Variants in CALCA observed in about 807,000 individuals in gnomAD.
The protein encoded by CALCA is calcitonin.
CALCA carries 4 observed loss-of-function variants against 6.9 expected under a neutral mutation model. That is an observed-to-expected ratio of 0.58 (90% CI 0.29 to 1.33). The LOEUF (loss-of-function observed/expected upper bound fraction) is 1.33. CALCA is among the 40% of genes most tolerant of loss of function. The probability of loss-of-function intolerance (pLI) is 0.09; values close to 1 mark genes in which losing one functional copy is unlikely to be tolerated. For synonymous variants in CALCA, 78 were observed against 70.0 expected (o/e 1.11, Z -0.57); for missense variants, 174 against 178.3 (o/e 0.98, Z 0.14).
chr11:14,969,881 C>G, intron 3 of CALCA, 54 bp downstream of exon 3: 1 of 1,611,746 alleles, frequency 6.2e-7, no homozygotes, highest in Non-Finnish European at 8.5e-7. Flanking sequence ...ATCCACCTTC[C>G]TGTGTATGCT....
intron 1 of CALCA, among the ~76,000 whole-genome samples, chr11:14,971,921 G>T (rs1325500773): frequency 6.6e-6 from 1 of 152,142 alleles, no homozygotes; most frequent in Non-Finnish European, 1.5e-5. Context: ...GTCCCTGATC[G>T]CACCGTCTGC....
At chr11:14,967,139 G>C, downstream of CALCA, 1 of 156,140 alleles carries the variant, frequency 6.4e-6, no homozygotes, top group Admixed American at 6.1e-5. Flanking sequence ...TTTAGTTACT[G>C]GTTAATTGTC....
rs782718895 is a variant in CALCA, at chr11:14,970,097, A to C, written c.87-22T>G. On this transcript the variant is annotated intron_variant, in intron 2 of 3. Transcript: ENST00000331587. ...AGACCTGTGGAGGGGAAGCAAACTC[A>C]GTGCAGGCTGTGAGCCCCTGCCTGC... 19 of 1,613,900 alleles carry C rather than the reference A, an allele frequency of 1.2e-5. No homozygotes were observed. In the South Asian group the frequency reaches 1.6e-4, roughly 14 times the overall value.
intron 3 of CALCA, 92 bp downstream of exon 3, chr11:14,969,843 G>A (rs532498440): frequency 6.3e-7 from 1 of 1,587,534 alleles, no homozygotes; most frequent in East Asian, 2.2e-5. Context: ...TGGATTCCTG[G>A]CCAGTGTGTT....
In CALCA at chr11:14,970,098, G is replaced by T. The variant is rs376785768; in HGVS notation, c.87-23C>A. On this transcript the variant is annotated intron_variant, in intron 2 of 3. Coordinates refer to ENST00000331587, the MANE Select transcript of CALCA (RefSeq NM_001741.3). ...GACCTGTGGAGGGGAAGCAAACTCA[G>T]TGCAGGCTGTGAGCCCCTGCCTGCC... 1.3e-5 allele frequency: 21 copies of T among 1,613,726 alleles called. No individual in the cohort carries two copies. The South Asian group carries it at 1.8e-4, about 14-fold the overall frequency.
At chr11:14,969,033 C>A (rs1849526879) in intron 3 of CALCA, 36 bp from the exon 4 acceptor site, 1 of 1,592,654 alleles carries the variant, frequency 6.3e-7, no homozygotes, top group East Asian at 2.2e-5. Context: ...GTACCATGCA[C>A]CAGAATCTGT....
At chr11:14,971,047 A>C in intron 2 of CALCA, 60 bp downstream of exon 2, 2 of 1,419,720 alleles carry the variant, frequency 1.4e-6, no homozygotes, top group Non-Finnish European at 2.0e-6. Context: ...TCAGTACACC[A>C]CACTTAAGAG....
At chr11:14,966,840 T>C (rs1219194262), downstream of CALCA, 5 of 152,568 alleles carry the variant, frequency 3.3e-5, no homozygotes, top group African/African-American at 1.2e-4. Flanking sequence ...CCAATGTCAA[T>C]AGGGTGGCTG....
downstream of CALCA, chr11:14,968,248 A>T (rs1299182890): frequency 3.1e-6 from 1 of 325,886 alleles, no homozygotes; most frequent in Admixed American, 4.5e-5. Context: ...ACGGGCACCA[A>T]ATACCCTTTC....
chr11:14,968,664 T>G lies in CALCA; in HGVS notation c.*135A>C, dbSNP rs571373929. The G allele has an allele frequency of 1.4e-5, 23 of 1,605,588 alleles. No individual in the cohort carries two copies. Among genetic ancestry groups the G allele is most frequent in the Non-Finnish European group, 1.9e-5 (22 of 1,176,390 alleles). ...GAGTCCTGCTCTCTTTCCTCCCATC[T>G]GAAGTTTGAGACATCCTCTGCCACA... On this transcript the variant is annotated 3_prime_UTR_variant, in exon 4 of 4. Transcript: ENST00000331587.
At chr11:14,968,261 A>G, downstream of CALCA, 1 of 324,810 alleles carries the variant, frequency 3.1e-6, no homozygotes, top group South Asian at 3.3e-5. Context: ...ACCCTTTCTT[A>G]GGAAAATAAA....
At chr11:14,971,266 G>T in intron 1 of CALCA, 65 bp from the exon 2 acceptor site, 2 of 1,046,284 alleles carry the variant, frequency 1.9e-6, no homozygotes, top group African/African-American at 3.1e-5. Context: ...CACAGACCTT[G>T]GCTCCTATCC....
At chr11:14,970,807 G>T (rs868994605) in intron 2 of CALCA, among the ~76,000 whole-genome samples, 1 of 152,242 alleles carries the variant, frequency 6.6e-6, no homozygotes, top group African/African-American at 2.4e-5. Flanking sequence ...GGCTGAGGCA[G>T]GAGAATTGCT....
chr11:14,971,201 T>A lies in CALCA; in HGVS notation c.-9A>T, dbSNP rs782450741. On this transcript the variant is annotated splice_region_variant and 5_prime_UTR_variant, in exon 2 of 4. Transcript: ENST00000331587. ...AACTTTTGGAAGCCCATGACACCTC[T>A]CTGCAAGGGAAGAATGAGATAAACC... 6.2e-6 allele frequency: 10 copies of A among 1,610,810 alleles called. No homozygotes were observed. Among genetic ancestry groups the A allele is most frequent in the Middle Eastern group, 1.7e-4 (1 of 6,054 alleles).
At chr11:14,966,925 A>G (rs1259960029), downstream of CALCA, 1 of 152,674 alleles carries the variant, frequency 6.5e-6, no homozygotes, top group African/African-American at 2.4e-5. Flanking sequence ...TCAAGTATTT[A>G]AAAAGATGCA....
intron 2 of CALCA, 143 bp downstream of exon 2, chr11:14,970,964 A>G: frequency 1.5e-6 from 1 of 686,698 alleles, no homozygotes; most frequent in Non-Finnish European, 2.6e-6. Context: ...TGTACCACAC[A>G]TTTTTATATC....
At chr11:14,971,751 A>C (rs1555026552) in intron 1 of CALCA, among the ~76,000 whole-genome samples, 1 of 152,218 alleles carries the variant, frequency 6.6e-6, no homozygotes, top group Non-Finnish European at 1.5e-5. Context: ...TTTTACTCTT[A>C]AATTGGGACC....
In CALCA at chr11:14,969,933, A is replaced by G; in HGVS notation, c.227+2T>C. 1.2e-6 allele frequency: 2 copies of G among 1,612,622 alleles called. No homozygotes were observed. Among genetic ancestry groups the G allele is most frequent in the Non-Finnish European group, 1.7e-6 (2 of 1,180,012 alleles). On this transcript the variant is annotated splice_donor_variant, in intron 3 of 3. Coordinates refer to ENST00000331587, the MANE Select transcript of CALCA (RefSeq NM_001741.3). LOFTEE classifies it high-confidence loss of function. ...CTGTGCTGAGCGCTTGGGGAGCCTC[A>G]CCTGGAGCCCTCTCTCTCTTGCTCC...
In CALCA at chr11:14,968,907, G is replaced by A. The variant is rs142242325; in HGVS notation, c.318C>T (p.Phe106=). The A allele has an allele frequency of 5.4e-4, 878 of 1,614,076 alleles. 9 individuals are homozygous for A. In the African/African-American group the frequency reaches 0.01, roughly 18 times the overall value. Residue 106 remains phenylalanine (F), a synonymous_variant, in exon 4 of 4, where the codon TTC becomes TTT. Coordinates refer to ENST00000331587, the MANE Select transcript of CALCA (RefSeq NM_001741.3). ...CTCCAACCCCAATTGCAGTTTGGGG[G>A]AACGTGTGAAACTTGTTGAAGTCCT... ...YTQDFNKFHT[F]PQTAIGVGAP...
Sources: allele counts gnomAD v4.1 joint callset (sites outside exome capture counted in the v4.1 genomes callset), GRCh38; gene constraint gnomAD v4.1.1; transcripts MANE v1.5; gene names NCBI Gene and HGNC (gene_info 2026-07-23, HGNC 2026-07-21).